Variants in CSNK1G1 observed in about 807,000 individuals in gnomAD.
CSNK1G1 encodes casein kinase I isoform gamma-1.
A neutral mutation model predicts 59.6 loss-of-function variants in CSNK1G1; 22 were observed. The ratio of observed to expected loss-of-function variants is 0.37; its 90% confidence interval spans 0.26 to 0.53. The LOEUF is 0.53. Ranked by LOEUF, CSNK1G1 falls within the 20% of genes least tolerant of loss-of-function variation. The pLI is 0.89. For missense variants in CSNK1G1, 384 were observed against 519.5 expected (o/e 0.74, Z 2.54); for synonymous variants, 179 against 177.1 (o/e 1.01, Z -0.08).
At chr15:64,317,099 T>C (rs1896314132) in intron 1 of CSNK1G1, 1 of 152,044 alleles carries the variant, frequency 6.6e-6, no homozygotes, top group Non-Finnish European at 1.5e-5. Flanking sequence ...ACATGGAACT[T>C]TTTTTTTGAG....
In CSNK1G1 at chr15:64,188,339, G is replaced by A; in HGVS notation, c.1108-7885C>T. ...AGCCAACATTCCACCAGCCAAGCTG[G>A]AAAGGCCAGGAAAAGGCAATAAAGG... is the stretch of plus-strand genomic sequence containing the variant. On this transcript the variant is annotated intron_variant, in intron 10 of 11. Transcript: ENST00000303052. The surrounding 1 kb of genome is among the most constrained non-coding windows in gnomAD (Gnocchi z 4.2). The A allele has an allele frequency of 6.8e-7, 1 of 1,474,266 alleles. No homozygotes were observed. The highest frequency in any genetic ancestry group is 9.1e-7 in the Non-Finnish European group (1 of 1,094,988). The allele number at this position is 1,474,266 out of a possible 1,614,324, so 91.3% of individuals were successfully genotyped here.
chr15:64,215,376 C>A (rs4777021), intron 5 of CSNK1G1, among the ~76,000 whole-genome samples: 1 of 151,946 alleles, frequency 6.6e-6, no homozygotes, highest in Non-Finnish European at 1.5e-5. Flanking sequence ...CCACGCCCAG[C>A]TAATTTTTTG....
chr15:64,303,938 A>G (rs1444350620), intron 1 of CSNK1G1, among the ~76,000 whole-genome samples: 1 of 151,858 alleles, frequency 6.6e-6, no homozygotes, highest in African/African-American at 2.4e-5. Context: ...AAAAAAGCCA[A>G]AAATCTCACT....
chr15:64,227,171 A>G (rs1233227808), intron 4 of CSNK1G1, among the ~76,000 whole-genome samples: 3 of 152,276 alleles, frequency 2.0e-5, no homozygotes. Context: ...CAATACATAC[A>G]GAGCAAAGCA....
At chr15:64,253,468 G>A (rs954232806) in intron 3 of CSNK1G1, among the ~76,000 whole-genome samples, 4 of 152,228 alleles carry the variant, frequency 2.6e-5, no homozygotes, top group Non-Finnish European at 4.4e-5. Flanking sequence ...GTGCACTGCT[G>A]ATGGGAATGC....
rs1452769592 is a variant in CSNK1G1, at chr15:64,214,910, A to G, written c.445-786T>C. ...CTCCTCGGCCTCCCAAAATGCTAGGATTACAGGCATGAGCCACCATGCCTG... is the reference window on the plus strand; with the variant it reads ...CTCCTCGGCCTCCCAAAATGCTAGGGTTACAGGCATGAGCCACCATGCCTG... On this transcript the variant is annotated intron_variant, in intron 5 of 11. Coordinates refer to ENST00000303052, the MANE Select transcript of CSNK1G1 (RefSeq NM_022048.5). The surrounding 1 kb of genome is among the most constrained non-coding windows in gnomAD (Gnocchi z 4.3). Among the ~76,000 whole-genome samples the G allele has an allele frequency of 6.6e-6, 1 of 152,106 alleles. No individual in the cohort carries two copies. Among genetic ancestry groups the G allele is most frequent in the Non-Finnish European group, 1.5e-5 (1 of 68,016 alleles).
At position 64,300,629 on chromosome 15, in the gene CSNK1G1, G is replaced by A. The variant is rs1176304279; in HGVS notation, c.-130C>T. ...AAGGAGTTCTTTTAGCACCATATTT[G>A]TTTGTAATGTATCTCCGGGAGATGA... On this transcript the variant is annotated 5_prime_UTR_variant, in exon 2 of 12. It introduces an in-frame stop codon into an upstream open reading frame of the 5' UTR. Coordinates refer to ENST00000303052, the MANE Select transcript of CSNK1G1 (RefSeq NM_022048.5). 1.5e-6 allele frequency: 2 copies of A among 1,373,360 alleles called. No individual in the cohort carries two copies. Among genetic ancestry groups the A allele is most frequent in the East Asian group, 5.1e-5 (2 of 39,460 alleles). The allele number at this position is 1,373,360 out of a possible 1,614,324, so 85.1% of individuals were successfully genotyped here.
At chr15:64,329,218 T>C (rs1046083450) in intron 1 of CSNK1G1, among the ~76,000 whole-genome samples, 3 of 151,842 alleles carry the variant, frequency 2.0e-5, no homozygotes, top group Non-Finnish European at 4.4e-5. Context: ...CAACAGAATA[T>C]ACATTTTTTT....
At chr15:64,277,056 G>A (rs1408125174) in intron 2 of CSNK1G1, among the ~76,000 whole-genome samples, 1 of 152,076 alleles carries the variant, frequency 6.6e-6, no homozygotes, top group Non-Finnish European at 1.5e-5. Context: ...TGCAACGTCA[G>A]TGACTTGAAC....
chr15:64,350,122 G>T (rs1290716891), intron 1 of CSNK1G1, among the ~76,000 whole-genome samples: 1 of 151,996 alleles, frequency 6.6e-6, no homozygotes, highest in African/African-American at 2.4e-5. Context: ...AGTGAATAAA[G>T]ATTTAATCTA....
intron 4 of CSNK1G1, among the ~76,000 whole-genome samples, chr15:64,225,931 A>G (rs1457151640): frequency 1.3e-5 from 2 of 152,146 alleles, no homozygotes; most frequent in East Asian, 3.9e-4. Flanking sequence ...CCGGCTTACC[A>G]TATTCTTTTA....
At chr15:64,218,388 C>T (rs2082339262) in intron 4 of CSNK1G1, among the ~76,000 whole-genome samples, 1 of 151,850 alleles carries the variant, frequency 6.6e-6, no homozygotes, top group Non-Finnish European at 1.5e-5. Context: ...TTCATTAAAT[C>T]CTAAACAACT....
intron 1 of CSNK1G1, among the ~76,000 whole-genome samples, chr15:64,344,501 T>A (rs1009526451): frequency 6.6e-6 from 1 of 152,188 alleles, no homozygotes. Context: ...TCACCACTAT[T>A]TTTAAATTGG....
intron 1 of CSNK1G1, among the ~76,000 whole-genome samples, chr15:64,337,545 G>C (rs1897453657): frequency 6.6e-6 from 1 of 152,032 alleles, no homozygotes; most frequent in Non-Finnish European, 1.5e-5. Flanking sequence ...ATGTTGCCTA[G>C]GCCGGTCTCA....
chr15:64,237,714 TCTTC>T (rs1363012438), intron 4 of CSNK1G1, among the ~76,000 whole-genome samples: 5 of 152,206 alleles, frequency 3.3e-5, no homozygotes, highest in African/African-American at 1.2e-4. Flanking sequence ...TCTTATGACT[TCTTC>T]AGATCTATAG....
At chr15:64,251,025 A>G (rs1418452423) in intron 4 of CSNK1G1, among the ~76,000 whole-genome samples, 2 of 152,206 alleles carry the variant, frequency 1.3e-5, no homozygotes, top group East Asian at 1.9e-4. Context: ...AAAATTGCCG[A>G]AGGTCATAGG....
intron 4 of CSNK1G1, among the ~76,000 whole-genome samples, chr15:64,251,226 G>A (rs925507459): frequency 1.3e-5 from 2 of 152,154 alleles, no homozygotes; most frequent in African/African-American, 4.8e-5. Flanking sequence ...AAAAGAGAAT[G>A]AACTGCTGAA....
intron 3 of CSNK1G1, among the ~76,000 whole-genome samples, chr15:64,258,920 G>T (rs1892540219): frequency 6.6e-6 from 1 of 152,016 alleles, no homozygotes; most frequent in Non-Finnish European, 1.5e-5. Flanking sequence ...GAAAGATTAA[G>T]TTCACAGAGT....
intron 4 of CSNK1G1, among the ~76,000 whole-genome samples, chr15:64,225,132 C>G (rs1228209559): frequency 2.0e-5 from 3 of 151,528 alleles, no homozygotes; most frequent in Non-Finnish European, 4.4e-5. Context: ...CCTCAGCCAC[C>G]CGAGTGGCTG....
Sources: allele counts gnomAD v4.1 joint callset (sites outside exome capture counted in the v4.1 genomes callset), GRCh38; gene constraint gnomAD v4.1.1; non-coding constraint Gnocchi (gnomAD v3.1); transcripts MANE v1.5; gene names NCBI Gene and HGNC (gene_info 2026-07-23, HGNC 2026-07-21).